NT5DC1: variants seen among roughly 807,000 people sequenced by gnomAD.
NT5DC1 encodes the protein 5'-nucleotidase domain containing 1.
In NT5DC1, 42 loss-of-function variants were observed where a neutral mutation model predicts 59.4. That is an observed-to-expected ratio of 0.71 (90% confidence interval 0.55 to 0.92). The LOEUF (loss-of-function observed/expected upper bound fraction) is 0.92, where lower values mean the gene tolerates loss of function less well. NT5DC1 is among the 40% of genes least tolerant of loss of function. The pLI is 0.00. For synonymous variants in NT5DC1, 172 were observed against 188.1 expected (o/e 0.91, Z 0.70); for missense variants, 501 against 537.1 (o/e 0.93, Z 0.66).
At chr6:116,159,775 C>T (rs1431432541) in intron 6 of NT5DC1, among the ~76,000 whole-genome samples, 1 of 152,160 alleles carries the variant, frequency 6.6e-6, no homozygotes. Flanking sequence ...CATGTGCTTT[C>T]CCCCAGCCCC....
chr6:116,111,797 T>G (rs1262158780), intron 4 of NT5DC1, among the ~76,000 whole-genome samples: 1 of 152,224 alleles, frequency 6.6e-6, no homozygotes, highest in African/African-American at 2.4e-5. Context: ...ATGAGTGCTC[T>G]TGATAAAATT....
Position 116,219,860 on chromosome 6 carries a change from G to T in NT5DC1, c.530-1194G>T, listed in dbSNP as rs1373274288. Among the ~76,000 whole-genome samples, 3 of 151,026 alleles carry T rather than the reference G, an allele frequency of 2.0e-5. No individual in the cohort carries two copies. In the Admixed American group the frequency reaches 2.0e-4, roughly 10 times the overall value. On this transcript the variant is annotated intron_variant, in intron 6 of 11. Coordinates refer to ENST00000319550, the MANE Select transcript of NT5DC1 (RefSeq NM_152729.3). Reference sequence around the variant, plus strand: ...GCCTGTAGTCCCAGCTACTAGGGAGGCTAAGGCAGGAGAATCACTTGAACC... The same window carrying T: ...GCCTGTAGTCCCAGCTACTAGGGAGTCTAAGGCAGGAGAATCACTTGAACC...
At chr6:116,177,534 A>C (rs1363893775) in intron 6 of NT5DC1, among the ~76,000 whole-genome samples, 1 of 152,182 alleles carries the variant, frequency 6.6e-6, no homozygotes, top group Non-Finnish European at 1.5e-5. Context: ...TAAATGTAAA[A>C]TATAGTTTAA....
In NT5DC1 at chr6:116,110,899, T is replaced by C. The variant is rs1211267984; in HGVS notation, c.307T>C (p.Tyr103His). 4 of 1,614,030 alleles carry C rather than the reference T, an allele frequency of 2.5e-6. No homozygotes were observed. Among genetic ancestry groups the C allele is most frequent in the Admixed American group, 1.7e-5 (1 of 60,002 alleles). Residue 103 changes from tyrosine (Y) to histidine (H), a missense_variant, in exon 4 of 12, where the codon TAT (tyrosine) becomes CAT (histidine). Coordinates refer to ENST00000319550, the MANE Select transcript of NT5DC1 (RefSeq NM_152729.3). ...MMTPEVLAEA[Y>H]GKKEWKHFLS... The stretch of plus-strand genomic sequence containing the variant: ...GACTCCAGAGGTGCTGGCAGAGGCA[T>C]ATGGCAAGAAAGAGTGGAAGCACTT...
At chr6:116,171,280 C>T (rs928117220) in intron 6 of NT5DC1, among the ~76,000 whole-genome samples, 1 of 152,098 alleles carries the variant, frequency 6.6e-6, no homozygotes, top group Non-Finnish European at 1.5e-5. Context: ...GAAGAATACA[C>T]ATTATAAAAT....
At chr6:116,141,885 AACACACACACAC>A (rs3051942) in intron 6 of NT5DC1, among the ~76,000 whole-genome samples, 275 of 140,404 alleles carry the variant, frequency 2.0e-3, no homozygotes, top group African/African-American at 6.6e-3. Context: ...CCAAAAAGAA[AACACACACACAC>A]ACACACACAC....
chr6:116,146,344 G>C (rs1779897391), intron 6 of NT5DC1, among the ~76,000 whole-genome samples: 1 of 152,186 alleles, frequency 6.6e-6, no homozygotes, highest in Admixed American at 6.5e-5. Context: ...TAGACAGCTT[G>C]CTAAATAGAC....
At chr6:116,144,742 G>A (rs1213407078) in intron 6 of NT5DC1, among the ~76,000 whole-genome samples, 1 of 152,184 alleles carries the variant, frequency 6.6e-6, no homozygotes, top group African/African-American at 2.4e-5. Flanking sequence ...GGGAGTGGGT[G>A]GGATAGCAGG....
At chr6:116,106,481 A>T in intron 2 of NT5DC1, 146 bp downstream of exon 2, 1 of 592,720 alleles carries the variant, frequency 1.7e-6, no homozygotes. Context: ...TTCTATATTA[A>T]AAGTTTTGTA....
At chr6:116,176,090 G>A (rs1780729034) in intron 6 of NT5DC1, among the ~76,000 whole-genome samples, 2 of 152,184 alleles carry the variant, frequency 1.3e-5, no homozygotes, top group Admixed American at 6.5e-5. Flanking sequence ...CGCTGTAATT[G>A]TGTGAGGTTG....
At chr6:116,217,621 A>G (rs1781711701) in intron 6 of NT5DC1, among the ~76,000 whole-genome samples, 1 of 152,106 alleles carries the variant, frequency 6.6e-6, no homozygotes, top group African/African-American at 2.4e-5. Context: ...TACATGAATA[A>G]TATTATTTTT....
At chr6:116,151,968 T>C (rs761916405) in intron 6 of NT5DC1, among the ~76,000 whole-genome samples, 1 of 152,214 alleles carries the variant, frequency 6.6e-6, no homozygotes, top group African/African-American at 2.4e-5. Flanking sequence ...CCAACTTTAT[T>C]GAAAACACTT....
At chr6:116,140,102 C>T (rs1317839321) in intron 6 of NT5DC1, among the ~76,000 whole-genome samples, 4 of 152,230 alleles carry the variant, frequency 2.6e-5, no homozygotes, top group East Asian at 3.9e-4. Flanking sequence ...GGTGGCAGAG[C>T]GGAGAGTTGA....
At chr6:116,106,125 A>C (rs1355879351) in intron 1 of NT5DC1, 119 bp from the exon 2 acceptor site, 1 of 711,804 alleles carries the variant, frequency 1.4e-6, no homozygotes, top group Non-Finnish European at 2.6e-6. Context: ...TCACAATTAC[A>C]GATATTTCCT....
At chr6:116,158,257 C>T (rs576270312) in intron 6 of NT5DC1, among the ~76,000 whole-genome samples, 1 of 106,924 alleles carries the variant, frequency 9.4e-6, no homozygotes, top group South Asian at 3.0e-4. Flanking sequence ...TGTGCTACCT[C>T]GATGAAGATA....
chr6:116,148,998 A>G (rs1260347473), intron 6 of NT5DC1, among the ~76,000 whole-genome samples: 5 of 152,220 alleles, frequency 3.3e-5, no homozygotes, highest in South Asian at 2.1e-4. Context: ...AGAATTGACA[A>G]TTCTTTGTAG....
chr6:116,104,627 T>G (rs1270043612), intron 1 of NT5DC1, among the ~76,000 whole-genome samples: 1 of 152,098 alleles, frequency 6.6e-6, no homozygotes, highest in African/African-American at 2.4e-5. Context: ...TTGTTTTCTG[T>G]TTTTTTGTTT....
At chr6:116,139,777 T>C (rs1481177441) in intron 6 of NT5DC1, among the ~76,000 whole-genome samples, 1 of 152,180 alleles carries the variant, frequency 6.6e-6, no homozygotes, top group East Asian at 1.9e-4. Context: ...AAAGGCATTA[T>C]AAATATTAAT....
rs1771826107 is a variant in NT5DC1 at position 116,245,364 on chromosome 6, C to T, written c.*1340C>T. On this transcript the variant is annotated 3_prime_UTR_variant, in exon 12 of 12. Coordinates refer to ENST00000319550, the MANE Select transcript of NT5DC1 (RefSeq NM_152729.3). ...GATTGAAGTGCAGAATTTGGCATAT[C>T]GATGCATGCAATGGAAAGAAAAAAA... 6.6e-6 allele frequency: 1 copy of T among 152,266 alleles called. No individual in the cohort carries two copies. Among genetic ancestry groups the T allele is most frequent in the Non-Finnish European group, 1.5e-5 (1 of 67,964 alleles). 9.4% of individuals were successfully genotyped at this position (152,266 alleles called of 1,614,324 possible). A position where few individuals can be genotyped will look rare whatever the true frequency, so the allele number is the denominator to read the frequency against.
Sources: gnomAD v4.1 joint callset for allele counts (sites outside exome capture counted in the v4.1 genomes callset) on GRCh38, gnomAD v4.1.1 for gene constraint, MANE v1.5 for transcripts, NCBI Gene and HGNC (gene_info 2026-07-23, HGNC 2026-07-21) for gene names.